Variants in GRIN2A observed in about 807,000 individuals in gnomAD.
The protein encoded by GRIN2A is glutamate ionotropic receptor NMDA type subunit 2A.
GRIN2A carries 22 observed loss-of-function variants against 113.4 expected under a neutral mutation model. The observed-to-expected ratio is 0.19, with a 90% CI of 0.14 to 0.28. The LOEUF is 0.28. GRIN2A is among the 10% of genes least tolerant of loss of function. The pLI is 1.00. For missense variants in GRIN2A, 1,502 were observed against 1,887.0 expected (o/e 0.80, Z 3.78); for synonymous variants, 827 against 738.4 (o/e 1.12, Z -1.94).
intron 2 of GRIN2A, among the ~76,000 whole-genome samples, chr16:10,044,815 G>A (rs1028268052): frequency 2.0e-5 from 3 of 151,812 alleles, no homozygotes; most frequent in African/African-American, 7.3e-5. Flanking sequence ...AGTTACCAAG[G>A]GCAAGAAATT....
chr16:10,072,946 C>CTTT (rs34432023), intron 2 of GRIN2A, among the ~76,000 whole-genome samples: 102 of 104,182 alleles, frequency 9.8e-4, no homozygotes, highest in African/African-American at 1.9e-3. Context: ...ACAAGACCCC[C>CTTT]TTTTTTTTTT....
chr16:9,970,384 A>G (rs1015517950), intron 2 of GRIN2A, among the ~76,000 whole-genome samples: 2 of 152,190 alleles, frequency 1.3e-5, no homozygotes, highest in Non-Finnish European at 2.9e-5. Flanking sequence ...CACTAGAGAG[A>G]CTGGAGTAGA....
chr16:9,860,730 T>G (rs1461687220), intron 4 of GRIN2A, among the ~76,000 whole-genome samples: 1 of 152,066 alleles, frequency 6.6e-6, no homozygotes, highest in Non-Finnish European at 1.5e-5. Context: ...GTCAGGCTGG[T>G]GTGAACTCAA....
At chr16:10,000,963 T>C (rs373293802) in intron 2 of GRIN2A, among the ~76,000 whole-genome samples, 1 of 152,236 alleles carries the variant, frequency 6.6e-6, no homozygotes, top group African/African-American at 2.4e-5. Flanking sequence ...CCATAATCTG[T>C]AGGCAATGAC....
At chr16:9,990,443 C>T (rs938307650) in intron 2 of GRIN2A, among the ~76,000 whole-genome samples, 7 of 152,076 alleles carry the variant, frequency 4.6e-5, no homozygotes, top group South Asian at 4.1e-4. Context: ...GCATTCACTA[C>T]ACTACTTGGG....
chr16:10,057,971 G>T (rs566960233), intron 2 of GRIN2A, among the ~76,000 whole-genome samples: 6 of 152,202 alleles, frequency 3.9e-5, no homozygotes, highest in African/African-American at 1.2e-4. Flanking sequence ...AATAAAATAC[G>T]TGGCCGGGTG....
intron 2 of GRIN2A, among the ~76,000 whole-genome samples, chr16:10,110,415 G>A (rs1354548664): frequency 6.6e-6 from 1 of 152,192 alleles, no homozygotes; most frequent in Non-Finnish European, 1.5e-5. Flanking sequence ...TTTACCTGGG[G>A]AATGTCGTGG....
chr16:10,122,453 A>G (rs768198585), intron 2 of GRIN2A, among the ~76,000 whole-genome samples: 6 of 151,992 alleles, frequency 3.9e-5, no homozygotes, highest in African/African-American at 1.5e-4. Flanking sequence ...AGAATGAGCT[A>G]TTTTCTCCCA....
At chr16:9,991,613 C>T (rs1043040284) in intron 2 of GRIN2A, among the ~76,000 whole-genome samples, 4 of 152,126 alleles carry the variant, frequency 2.6e-5, no homozygotes, top group African/African-American at 7.2e-5. Flanking sequence ...CATGTGTATA[C>T]ATTATTTAGC....
At chr16:10,147,226 C>T (rs1022791559) in intron 2 of GRIN2A, among the ~76,000 whole-genome samples, 1 of 151,952 alleles carries the variant, frequency 6.6e-6, no homozygotes, top group South Asian at 2.1e-4. Context: ...AGCAATTTTG[C>T]CCTCCCCCCA....
chr16:10,139,653 G>C (rs771456830), intron 2 of GRIN2A, among the ~76,000 whole-genome samples: 45 of 152,134 alleles, frequency 3.0e-4, no homozygotes, highest in Non-Finnish European at 1.3e-4. Flanking sequence ...AAAAAGGCAA[G>C]TATGCAACCT....
At chr16:10,062,632 AG>A (rs1567271309) in intron 2 of GRIN2A, among the ~76,000 whole-genome samples, 1 of 152,204 alleles carries the variant, frequency 6.6e-6, no homozygotes. Flanking sequence ...TGGGAGGCCG[AG>A]GTGGGTGTAT....
intron 2 of GRIN2A, among the ~76,000 whole-genome samples, chr16:9,981,267 T>C (rs1208451260): frequency 6.6e-6 from 1 of 152,214 alleles, no homozygotes; most frequent in African/African-American, 2.4e-5. Context: ...GCGCCTCCAA[T>C]CATGTCTCAA....
intron 3 of GRIN2A, among the ~76,000 whole-genome samples, chr16:9,911,532 G>C (rs928310994): frequency 2.0e-5 from 3 of 152,162 alleles, no homozygotes; most frequent in African/African-American, 7.2e-5. Flanking sequence ...CATGCCATAG[G>C]TTTGTCATGA....
At chr16:9,872,796 G>A (rs918180961) in intron 4 of GRIN2A, among the ~76,000 whole-genome samples, 61 of 152,252 alleles carry the variant, frequency 4.0e-4, no homozygotes, top group Non-Finnish European at 6.9e-4. Flanking sequence ...GCCAAGTGGA[G>A]GGGTGGGGGA....
chr16:10,137,300 G>A lies in GRIN2A; in HGVS notation c.414+42698C>T, dbSNP rs142679757. On this transcript the variant is annotated intron_variant, in intron 2 of 12. Coordinates refer to ENST00000330684, the MANE Select transcript of GRIN2A (RefSeq NM_001134407.3). Reference sequence around the variant, plus strand: ...AAAAGGAGAACAAAAATGAGGCTCAGAGAAGATAAAGTAACTTGCTTAAAT... The same window carrying A: ...AAAAGGAGAACAAAAATGAGGCTCAAAGAAGATAAAGTAACTTGCTTAAAT... Among the ~76,000 whole-genome samples, 612 of 152,320 alleles carry A rather than the reference G, an allele frequency of 4.0e-3. 4 individuals carry two copies. Among genetic ancestry groups the A allele is most frequent in the African/African-American group, 0.014 (576 of 41,564 alleles).
At chr16:10,127,808 T>C (rs189641382) in intron 2 of GRIN2A, among the ~76,000 whole-genome samples, 4 of 152,298 alleles carry the variant, frequency 2.6e-5, no homozygotes, top group East Asian at 1.9e-4. Flanking sequence ...TCTTCCATAG[T>C]AAAGAATTAA....
intron 2 of GRIN2A, chr16:10,112,894 G>A: frequency 2.1e-6 from 1 of 467,444 alleles, no homozygotes; most frequent in South Asian, 1.8e-5. Context: ...GGATAGCAGT[G>A]GAGGATGAGG....
intron 2 of GRIN2A, among the ~76,000 whole-genome samples, chr16:9,981,704 C>T (rs1235124300): frequency 2.6e-5 from 4 of 152,156 alleles, no homozygotes; most frequent in African/African-American, 7.2e-5. Flanking sequence ...GTTCATATTT[C>T]GCTGATTGTT....
Sources: gnomAD v4.1 joint callset for allele counts (sites outside exome capture counted in the v4.1 genomes callset) on GRCh38, gnomAD v4.1.1 for gene constraint, MANE v1.5 for transcripts, NCBI Gene and HGNC (gene_info 2026-07-23, HGNC 2026-07-21) for gene names.